Variants in ACTR2 observed in about 807,000 individuals in gnomAD.
ACTR2 encodes actin-related protein 2.
In ACTR2, 5 loss-of-function variants were observed where a neutral mutation model predicts 50.2. That is an observed-to-expected ratio of 0.10 (90% confidence interval 0.05 to 0.21). The LOEUF (loss-of-function observed/expected upper bound fraction) is 0.21, where lower values mean the gene tolerates loss of function less well. Ranked by LOEUF, ACTR2 falls within the 10% of genes least tolerant of loss-of-function variation. The probability of loss-of-function intolerance (pLI) is 1.00; values close to 1 mark genes in which losing one functional copy is unlikely to be tolerated. For synonymous variants in ACTR2, 140 were observed against 162.9 expected (o/e 0.86, Z 1.07); for missense variants, 180 against 480.6 (o/e 0.37, Z 5.85).
intron 2 of ACTR2, chr2:65,242,733 A>G (rs1671864015): frequency 2.2e-6 from 1 of 445,524 alleles, no homozygotes. Flanking sequence ...TGCTGGTCTT[A>G]TCTCAGACAT....
At chr2:65,233,376 C>T (rs1671676006) in intron 1 of ACTR2, among the ~76,000 whole-genome samples, 2 of 151,508 alleles carry the variant, frequency 1.3e-5, no homozygotes, top group South Asian at 4.2e-4. Flanking sequence ...AAATTGGGGC[C>T]AGGCACAGTG....
chr2:65,254,977 T>C (rs1672120677), intron 5 of ACTR2, among the ~76,000 whole-genome samples: 1 of 152,156 alleles, frequency 6.6e-6, no homozygotes, highest in South Asian at 2.1e-4. Context: ...ATTTTTTTTC[T>C]CTCAGTGGGT....
intron 6 of ACTR2, among the ~76,000 whole-genome samples, chr2:65,255,959 A>G (rs953365059): frequency 6.6e-6 from 1 of 152,214 alleles, no homozygotes; most frequent in African/African-American, 2.4e-5. Flanking sequence ...TTGAGATTCT[A>G]GTATTTGGCA....
chr2:65,247,592 A>C (rs1389201850), intron 3 of ACTR2, among the ~76,000 whole-genome samples: 3 of 152,320 alleles, frequency 2.0e-5, no homozygotes, highest in African/African-American at 7.2e-5. Flanking sequence ...CGTCTCAAAA[A>C]AAAATAAAAA....
intron 1 of ACTR2, among the ~76,000 whole-genome samples, chr2:65,234,201 C>A (rs1413755754): frequency 6.6e-6 from 1 of 152,174 alleles, no homozygotes; most frequent in African/African-American, 2.4e-5. Flanking sequence ...TGTGAGCCAC[C>A]ATTCCCAGCC....
intron 1 of ACTR2, among the ~76,000 whole-genome samples, chr2:65,235,981 C>T (rs192141825): frequency 2.0e-5 from 3 of 152,184 alleles, no homozygotes; most frequent in Non-Finnish European, 2.9e-5. Context: ...GTGAACTTTC[C>T]TCATTTCAGA....
At chr2:65,239,767 G>A in intron 1 of ACTR2, 85 bp from the exon 2 acceptor site, 1 of 878,738 alleles carries the variant, frequency 1.1e-6, no homozygotes, top group Admixed American at 1.9e-5. Flanking sequence ...TTATATAAAT[G>A]CAAAGTGATA....
At position 65,234,425 on chromosome 2, in the gene ACTR2, CT is replaced by C. The variant is rs903651119; in HGVS notation, c.49-5418del. 5.3e-5 allele frequency among the ~76,000 whole-genome samples: 8 copies of C among 151,182 alleles called. No homozygotes were observed. In the South Asian group the frequency reaches 1.0e-3, roughly 20 times the overall value. ...ATAATCTTTAATTTGAATGAAAAGT[CT>C]TTTTTTTTGTTAGGCAGTAATAGTA... On this transcript the variant is annotated intron_variant, in intron 1 of 8. Coordinates refer to ENST00000260641, the MANE Select transcript of ACTR2 (RefSeq NM_005722.4).
intron 8 of ACTR2, among the ~76,000 whole-genome samples, chr2:65,267,391 GA>G (rs1469350479): frequency 6.6e-6 from 1 of 152,162 alleles, no homozygotes; most frequent in Non-Finnish European, 1.5e-5. Flanking sequence ...AACAGTCTCA[GA>G]ATTGGTAAAT....
intron 7 of ACTR2, among the ~76,000 whole-genome samples, chr2:65,264,385 C>G (rs1001754557): frequency 3.3e-5 from 5 of 152,216 alleles, no homozygotes; most frequent in Admixed American, 6.5e-5. Flanking sequence ...AAAATGGGTG[C>G]AAATCAGCTC....
chr2:65,255,441 T>G, intron 5 of ACTR2, 104 bp from the exon 6 acceptor site: 2 of 979,774 alleles, frequency 2.0e-6, no homozygotes, highest in East Asian at 2.6e-5. Context: ...CCACTGCCCA[T>G]TCTGTTTGTT....
Position 65,270,170 on chromosome 2 carries a change from T to C in ACTR2, c.*1436T>C. On this transcript the variant is annotated 3_prime_UTR_variant, in exon 9 of 9. Transcript: ENST00000260641. Reference sequence around the variant, plus strand: ...CACACTAATTACAAAATACAAGTTCTGGAAAAAATATTTTTCTTCATTTTA... The same window carrying C: ...CACACTAATTACAAAATACAAGTTCCGGAAAAAATATTTTTCTTCATTTTA... The C allele has an allele frequency of 6.6e-6, 1 of 150,652 alleles. No homozygotes were observed. The allele number at this position is 150,652 out of a possible 1,614,324, so 9.3% of individuals were successfully genotyped here.
rs763996430 is a variant in ACTR2 at position 65,227,876 on chromosome 2, T to C, written c.-34T>C. 3 of 1,501,672 alleles carry C rather than the reference T, an allele frequency of 2.0e-6. No homozygotes were observed. In the South Asian group the frequency reaches 3.7e-5, roughly 19 times the overall value. 93.0% of individuals were successfully genotyped at this position (1,501,672 alleles called of 1,614,324 possible). ...CGGCCGGGCGGCGGTGGCTGTAGGT[T>C]GTGCGGCTGCAGCGGCTCTTCCCTG... On this transcript the variant is annotated 5_prime_UTR_variant, in exon 1 of 9. Transcript: ENST00000260641.
intron 3 of ACTR2, among the ~76,000 whole-genome samples, chr2:65,249,840 A>T (rs1304656633): frequency 2.0e-5 from 3 of 152,228 alleles, no homozygotes; most frequent in South Asian, 4.1e-4. Context: ...TCTTGATTCA[A>T]GTAGGGACTG....
chr2:65,231,851 T>TA (rs1042196413), intron 1 of ACTR2, among the ~76,000 whole-genome samples: 2 of 152,150 alleles, frequency 1.3e-5, no homozygotes, highest in Admixed American at 6.6e-5. Flanking sequence ...GCTGATGAAC[T>TA]AAAAAAATCA....
intron 1 of ACTR2, chr2:65,228,268 C>A (rs936328597): frequency 6.2e-6 from 2 of 324,966 alleles, no homozygotes; most frequent in Admixed American, 9.9e-5. Flanking sequence ...GGCAATTGGG[C>A]TAAAGCGGAC....
intron 5 of ACTR2, 71 bp from the exon 6 acceptor site, chr2:65,255,474 G>A (rs958680670): frequency 1.5e-6 from 2 of 1,356,406 alleles, no homozygotes; most frequent in African/African-American, 2.9e-5. Flanking sequence ...TATTTAATGA[G>A]CATTACTAGC....
chr2:65,231,454 A>G (rs1258377389), intron 1 of ACTR2, among the ~76,000 whole-genome samples: 4 of 152,214 alleles, frequency 2.6e-5, no homozygotes, highest in Admixed American at 2.6e-4. Context: ...ATATTAAAGA[A>G]GATATTCAGA....
In ACTR2 at chr2:65,255,441, TTC is replaced by T. The variant is rs148397369; in HGVS notation, c.586-102_586-101del. ...GTAGGAGCTGAGGATCCACTGCCCA[TTC>T]TGTTTGTTATTGATGTGACATATTT... On this transcript the variant is annotated intron_variant, in intron 5 of 8. Transcript: ENST00000260641. The T allele has an allele frequency of 1.8e-3, 1,729 of 979,780 alleles. 28 individuals carry two copies. In the African/African-American group the frequency reaches 0.024, roughly 13 times the overall value. 60.7% of individuals were successfully genotyped at this position (979,780 alleles called of 1,614,324 possible).
Sources: gnomAD v4.1 joint callset for allele counts (sites outside exome capture counted in the v4.1 genomes callset) on GRCh38, gnomAD v4.1.1 for gene constraint, MANE v1.5 for transcripts, NCBI Gene and HGNC (gene_info 2026-07-23, HGNC 2026-07-21) for gene names.